Variants in SMAD7 observed in about 807,000 individuals in gnomAD.
The protein encoded by SMAD7 is SMAD family member 7.
SMAD7 carries 8 observed loss-of-function variants against 38.7 expected under a neutral mutation model. The ratio of observed to expected loss-of-function variants is 0.21; its 90% CI spans 0.12 to 0.37. The LOEUF (loss-of-function observed/expected upper bound fraction) is 0.37. Ranked by LOEUF, SMAD7 falls within the 10% of genes least tolerant of loss-of-function variation. SMAD7 has a pLI of 1.00. For missense variants in SMAD7, 477 were observed against 577.9 expected, an observed-to-expected ratio of 0.83 and a Z score of 1.79; for synonymous variants, 327 against 265.1, an observed-to-expected ratio of 1.23 and a Z score of -2.27.
chr18:48,942,405 C>T, intron 3 of SMAD7, 76 bp downstream of exon 3: 1 of 1,017,156 alleles, frequency 9.8e-7, no homozygotes. Flanking sequence ...TGGCAGAAGG[C>T]CACCCCCATT....
At chr18:48,947,517 T>C (rs2070208263) in intron 2 of SMAD7, among the ~76,000 whole-genome samples, 1 of 152,210 alleles carries the variant, frequency 6.6e-6, no homozygotes, top group Non-Finnish European at 1.5e-5. Context: ...GGCACCAGTA[T>C]ACAGGCACAA....
intron 3 of SMAD7, among the ~76,000 whole-genome samples, chr18:48,940,114 G>A (rs9955731): frequency 0.32 from 48,072 of 151,818 alleles, 8,288 homozygotes; most frequent in South Asian, 0.49. Flanking sequence ...CCCCCAAGCC[G>A]GTGACATCAA....
rs1168599370 is a variant in SMAD7 at position 48,921,669 on chromosome 18, A to G, written c.984T>C (p.Asp328=). The change falls in exon 4 of 4, where the codon GAT becomes GAC. Residue 328 remains aspartate (D), a synonymous_variant. Transcript: ENST00000262158. The surrounding 1 kb of genome is among the most constrained non-coding windows in gnomAD (Gnocchi z 6.4). ...TGCTGCGGTTGTACACCCACACACC[A>G]TCCACCTCCCGCGTCAGCTGGATGC... ...GCGIQLTREV[D]GVWVYNRSSY... The G allele has an allele frequency of 6.2e-7, 1 of 1,613,630 alleles. No homozygotes were observed. Among genetic ancestry groups the G allele is most frequent in the Non-Finnish European group, 8.5e-7 (1 of 1,179,674 alleles).
chr18:48,934,614 A>G (rs1012902481), intron 3 of SMAD7, among the ~76,000 whole-genome samples: 2 of 152,158 alleles, frequency 1.3e-5, no homozygotes, highest in African/African-American at 2.4e-5. Context: ...GTCATGAAAG[A>G]TTCTTTAGTA....
chr18:48,942,676 C>A, intron 2 of SMAD7, 121 bp from the exon 3 acceptor site: 8 of 1,568,802 alleles, frequency 5.1e-6, no homozygotes, highest in Non-Finnish European at 6.9e-6. Context: ...GGCTGACTCG[C>A]GGCCTTGATG....
chr18:48,938,019 A>T (rs560993008), intron 3 of SMAD7, among the ~76,000 whole-genome samples: 1 of 152,214 alleles, frequency 6.6e-6, no homozygotes, highest in Admixed American at 6.5e-5. Flanking sequence ...GTTCATGATC[A>T]CAATTCCAAG....
rs1442481936 is a variant in SMAD7, at chr18:48,926,277, T to C, written c.743-4367A>G. ...CCCAGACACACAAAGAACGTACTTGTGGGGAGGGGGTCCCCCAAGATTCCA... is the reference window on the plus strand; with the variant it reads ...CCCAGACACACAAAGAACGTACTTGCGGGGAGGGGGTCCCCCAAGATTCCA... On this transcript the variant is annotated intron_variant, in intron 3 of 3. Transcript: ENST00000262158. 3.9e-5 allele frequency among the ~76,000 whole-genome samples: 6 copies of C among 152,006 alleles called. No homozygotes were observed. The East Asian group carries it at 1.2e-3, about 29-fold the overall frequency.
At chr18:48,942,630 C>A in intron 2 of SMAD7, 75 bp from the exon 3 acceptor site, 1 of 1,605,778 alleles carries the variant, frequency 6.2e-7, no homozygotes, top group Non-Finnish European at 8.5e-7. Flanking sequence ...TAAGCACGCT[C>A]TAAACAGCAT....
At chr18:48,947,298 G>C (rs1948063608) in intron 2 of SMAD7, among the ~76,000 whole-genome samples, 2 of 152,184 alleles carry the variant, frequency 1.3e-5, no homozygotes, top group African/African-American at 4.8e-5. Context: ...CAGAGTATGG[G>C]CTTCGGTTAC....
rs944310382 is a variant in SMAD7, at chr18:48,921,143, G to A, written c.*229C>T. ...TCAGGGTGTCCTGCCGATCATACCT[G>A]CCCCTTCTTCCAAAAAAACCCCCAA... On this transcript the variant is annotated 3_prime_UTR_variant, in exon 4 of 4. Transcript: ENST00000262158. This position sits in a 1 kb window ranked among gnomAD's most constrained non-coding sequence, Gnocchi z 6.4. 3 of 541,284 alleles carry A rather than the reference G, an allele frequency of 5.5e-6. No individual in the cohort carries two copies. In the African/African-American group the frequency reaches 5.7e-5, roughly 10 times the overall value. The allele number at this position is 541,284 out of a possible 1,614,324, so 33.5% of individuals were successfully genotyped here.
intron 2 of SMAD7, chr18:48,942,783 T>C (rs2143809997): frequency 1.4e-6 from 2 of 1,382,074 alleles, no homozygotes; most frequent in Non-Finnish European, 9.3e-7. Flanking sequence ...AGTTAATCAT[T>C]ACTCGAGTCA....
At chr18:48,930,696 C>T (rs771605113) in intron 3 of SMAD7, among the ~76,000 whole-genome samples, 1 of 140,350 alleles carries the variant, frequency 7.1e-6, no homozygotes, top group African/African-American at 2.5e-5. Context: ...AGGGCTCCCC[C>T]ACCGCATGCG....
At chr18:48,937,214 A>G (rs2070077462) in intron 3 of SMAD7, among the ~76,000 whole-genome samples, 1 of 151,792 alleles carries the variant, frequency 6.6e-6, no homozygotes, top group Non-Finnish European at 1.5e-5. Context: ...CGGAGGTCCC[A>G]TAGGTGTACA....
At chr18:48,943,690 C>T (rs929740966) in intron 2 of SMAD7, among the ~76,000 whole-genome samples, 16 of 152,164 alleles carry the variant, frequency 1.1e-4, no homozygotes, top group South Asian at 2.1e-4. Flanking sequence ...GCCACCAGGA[C>T]AATGTCCCTG....
chr18:48,924,299 C>G (rs966835383), intron 3 of SMAD7, among the ~76,000 whole-genome samples: 1 of 152,120 alleles, frequency 6.6e-6, no homozygotes, highest in South Asian at 2.1e-4. Flanking sequence ...AACCTGGCAC[C>G]GGCCAACAGG....
intron 3 of SMAD7, among the ~76,000 whole-genome samples, chr18:48,940,737 C>CGAGACTCCGTCTGTGT (rs2070128643): frequency 6.6e-6 from 1 of 150,400 alleles, no homozygotes; most frequent in African/African-American, 2.4e-5. Context: ...GGTGACAGAG[C>CGAGACTCCGTCTGTGT]GAGACTCCGT....
intron 3 of SMAD7, among the ~76,000 whole-genome samples, chr18:48,939,385 A>AC (rs1037431072): frequency 2.7e-4 from 8 of 29,422 alleles, no homozygotes; most frequent in East Asian, 1.2e-3. Context: ...ACCCCCCCAC[A>AC]CCCCCCCAAA....
chr18:48,938,015 G>A (rs1186240917), intron 3 of SMAD7, among the ~76,000 whole-genome samples: 1 of 152,190 alleles, frequency 6.6e-6, no homozygotes, highest in African/African-American at 2.4e-5. Flanking sequence ...CCCAGTTCAT[G>A]ATCACAATTC....
Position 48,921,470 on chromosome 18 carries a change from C to A in SMAD7, c.1183G>T (p.Val395Leu). 1 of 1,614,206 alleles carries A rather than the reference C, an allele frequency of 6.2e-7. No individual in the cohort carries two copies. The highest frequency in any genetic ancestry group is 8.5e-7 in the Non-Finnish European group (1 of 1,180,024). ...CAGCCCTTCACAAAGCTGATCTGCA[C>A]GGTAAAGCCCGTCCACGGCTGCTGC... ...FMQQPWTGFT[V>L]QISFVKGWGQ... Residue 395 changes from valine (V) to leucine (L), a missense_variant, in exon 4 of 4, where the codon GTG becomes TTG. Val to Leu is a conservative substitution (Grantham distance 32, BLOSUM62 1). This residue lies in a region of SMAD7 where 101 missense variants were observed against 198.5 expected (regional missense o/e 0.51). Transcript: ENST00000262158. The surrounding 1 kb of genome is among the most constrained non-coding windows in gnomAD (Gnocchi z 6.4).
Sources: allele counts gnomAD v4.1 joint callset (sites outside exome capture counted in the v4.1 genomes callset), GRCh38; gene constraint gnomAD v4.1.1; regional missense constraint gnomAD v4.1.1; non-coding constraint Gnocchi (gnomAD v3.1); transcripts MANE v1.5; gene names NCBI Gene and HGNC (gene_info 2026-07-23, HGNC 2026-07-21).